Variants in TMIGD3 observed in about 807,000 individuals in gnomAD.
The protein encoded by TMIGD3 is transmembrane and immunoglobulin domain containing 3.
In TMIGD3, 21 loss-of-function variants were observed where a neutral mutation model predicts 28.1. The ratio of observed to expected loss-of-function variants is 0.75; its 90% CI spans 0.53 to 1.08. The LOEUF (loss-of-function observed/expected upper bound fraction) is 1.08. Among genes scored for constraint, TMIGD3 ranks in the 50% least tolerant of loss-of-function variants. The pLI, the probability that TMIGD3 is intolerant of heterozygous loss-of-function variation, is 0.00. For synonymous variants in TMIGD3, 151 were observed against 162.1 expected, an observed-to-expected ratio of 0.93 and a Z score of 0.52; for missense variants, 416 against 435.6, an observed-to-expected ratio of 0.96 and a Z score of 0.40.
At chr1:111,544,159 A>G (rs1656952382) in intron 1 of TMIGD3, among the ~76,000 whole-genome samples, 1 of 152,188 alleles carries the variant, frequency 6.6e-6, no homozygotes, top group South Asian at 2.1e-4. Context: ...ATTATTCTCT[A>G]AATTTACGCA....
intron 1 of TMIGD3, chr1:111,542,277 G>A: frequency 1.7e-6 from 1 of 592,926 alleles, no homozygotes; most frequent in Admixed American, 1.9e-5. Flanking sequence ...TTCAGGATCA[G>A]ACCTGCCGGT....
intron 5 of TMIGD3, chr1:111,485,472 G>A (rs574235802): frequency 1.1e-4 from 41 of 368,322 alleles, no homozygotes; most frequent in Admixed American, 6.2e-4. Flanking sequence ...CTGCAGATGG[G>A]AACCTGGTGT....
chr1:111,534,299 C>A (rs1279668824), intron 1 of TMIGD3, among the ~76,000 whole-genome samples: 1 of 151,962 alleles, frequency 6.6e-6, no homozygotes, highest in Non-Finnish European at 1.5e-5. Context: ...GTTTTTAAAT[C>A]CAAGGTGTAA....
intron 3 of TMIGD3, 60 bp downstream of exon 3, chr1:111,488,617 T>C: frequency 6.7e-7 from 1 of 1,487,174 alleles, no homozygotes; most frequent in Non-Finnish European, 9.2e-7. Flanking sequence ...AGTGCTCTCT[T>C]AGCAGCAAAC....
In TMIGD3 at chr1:111,509,733, G is replaced by A. The variant is rs979935964; in HGVS notation, c.108-18971C>T. ...CCCTCCTACTGCACAAGGTCATTTC[G>A]TAATTATTACTGTAAGAGCTGCCAT... On this transcript the variant is annotated intron_variant, in intron 1 of 5. Coordinates refer to the TMIGD3 transcript ENST00000369717. Among the ~76,000 whole-genome samples, 97 of 152,314 alleles carry A rather than the reference G, an allele frequency of 6.4e-4. 1 individual carries two copies. The highest frequency in any genetic ancestry group is 5.4e-3 in the Admixed American group (82 of 15,304).
At chr1:111,552,198 G>C (rs1012747231) in intron 1 of TMIGD3, among the ~76,000 whole-genome samples, 4 of 152,152 alleles carry the variant, frequency 2.6e-5, no homozygotes, top group Non-Finnish European at 5.9e-5. Context: ...CATCTCTTAG[G>C]GAGTCACCAG....
intron 1 of TMIGD3, among the ~76,000 whole-genome samples, chr1:111,514,925 TA>T (rs1655809386): frequency 6.6e-6 from 1 of 152,176 alleles, no homozygotes; most frequent in South Asian, 2.1e-4. Context: ...TTTTCACAGA[TA>T]AGAATATTGA....
chr1:111,520,096 A>G lies in TMIGD3; in HGVS notation c.108-29334T>C, dbSNP rs1344477124. Among the ~76,000 whole-genome samples the G allele has an allele frequency of 4.6e-5, 7 of 152,308 alleles. 2 individuals are homozygous for G. Among genetic ancestry groups the G allele is most frequent in the Admixed American group, 3.9e-4 (6 of 15,296 alleles). On this transcript the variant is annotated intron_variant, in intron 1 of 5. Coordinates refer to the TMIGD3 transcript ENST00000369717. ...AGGACGAACAGGAACCTCTTTCCAT[A>G]TGGTCTTCAATGCACAGTCAAAAAC...
intron 1 of TMIGD3, among the ~76,000 whole-genome samples, chr1:111,530,038 G>T (rs1172992872): frequency 6.7e-6 from 1 of 148,892 alleles, no homozygotes; most frequent in African/African-American, 2.5e-5. Context: ...GCGGCTGGCC[G>T]GGCAGAGGGG....
intron 1 of TMIGD3, among the ~76,000 whole-genome samples, chr1:111,554,331 C>T (rs1306245956): frequency 6.6e-6 from 1 of 152,156 alleles, no homozygotes; most frequent in Non-Finnish European, 1.5e-5. Context: ...CCTCTCAAAC[C>T]TACCAGATAA....
intron 1 of TMIGD3, among the ~76,000 whole-genome samples, chr1:111,502,624 C>G (rs941997137): frequency 2.0e-5 from 3 of 150,552 alleles, no homozygotes; most frequent in Non-Finnish European, 4.4e-5. Context: ...TTATGTTTAT[C>G]TGCCTGCTTC....
intron 3 of TMIGD3, 58 bp downstream of exon 3, chr1:111,488,619 G>A (rs1019675614): frequency 1.1e-5 from 16 of 1,491,402 alleles, no homozygotes; most frequent in African/African-American, 1.4e-5. Context: ...TGCTCTCTTA[G>A]CAGCAAACAC....
intron 1 of TMIGD3, among the ~76,000 whole-genome samples, chr1:111,495,070 T>C (rs796225577): frequency 6.6e-5 from 10 of 152,324 alleles, no homozygotes; most frequent in African/African-American, 2.4e-4. Context: ...AATACCATTC[T>C]GGACATAGGA....
intron 1 of TMIGD3, among the ~76,000 whole-genome samples, chr1:111,522,569 T>A (rs1003416252): frequency 1.3e-5 from 2 of 150,912 alleles, no homozygotes; most frequent in African/African-American, 4.9e-5. Context: ...CAGGCTGAAG[T>A]GCAGTGGCGT....
At position 111,486,591 on chromosome 1, in the gene TMIGD3, G is replaced by A. The variant is rs1405354965; in HGVS notation, c.867C>T (p.Arg289=). Residue 289 remains arginine (R), a synonymous_variant, in exon 4 of 6, where the codon CGC becomes CGT. Transcript: ENST00000369716. ...KAPKVVRKAD[R]SRTSILIICI... is the part of the protein sequence containing the mutation. ...CCGCCAAGACTATGACTCACCTGGA[G>A]CGGTCAGCCTTGCGGACAACTTTGG... The A allele has an allele frequency of 6.2e-7, 1 of 1,613,048 alleles. No homozygotes were observed. Among genetic ancestry groups the A allele is most frequent in the Non-Finnish European group, 8.5e-7 (1 of 1,179,472 alleles).
intron 1 of TMIGD3, chr1:111,500,203 A>G: frequency 1.2e-6 from 2 of 1,614,166 alleles, no homozygotes; most frequent in Non-Finnish European, 8.5e-7. Flanking sequence ...CAAGAAAAGA[A>G]CCAGAAACAA....
chr1:111,529,266 C>G (rs1461715536), intron 1 of TMIGD3, among the ~76,000 whole-genome samples: 3 of 152,020 alleles, frequency 2.0e-5, no homozygotes, highest in Admixed American at 6.5e-5. Flanking sequence ...GAAGGGGAAG[C>G]TTGCCCAAGC....
chr1:111,544,659 G>A (rs1208837914), intron 1 of TMIGD3, among the ~76,000 whole-genome samples: 1 of 152,112 alleles, frequency 6.6e-6, no homozygotes, highest in Non-Finnish European at 1.5e-5. Context: ...ACACTGCTAT[G>A]AACATTGGTG....
chr1:111,555,629 C>G (rs78703884), intron 1 of TMIGD3, among the ~76,000 whole-genome samples: 3,818 of 151,996 alleles, frequency 0.025, 155 homozygotes, highest in African/African-American at 0.087. Flanking sequence ...ATCTATTCAC[C>G]TTCCCAAAAG....
Sources: allele counts gnomAD v4.1 joint callset (sites outside exome capture counted in the v4.1 genomes callset), GRCh38; gene constraint gnomAD v4.1.1; transcripts MANE v1.5; gene names NCBI Gene and HGNC (gene_info 2026-07-23, HGNC 2026-07-21).